Variants in KIF13B observed in about 807,000 individuals in gnomAD.
KIF13B encodes the protein kinesin-like protein KIF13B.
KIF13B carries 127 observed loss-of-function variants against 222.0 expected under a neutral mutation model. The observed-to-expected ratio is 0.57, with a 90% CI of 0.50 to 0.66. KIF13B has a LOEUF of 0.66. Among genes scored for constraint, KIF13B ranks in the 30% least tolerant of loss-of-function variants. KIF13B has a pLI of 0.00. For synonymous variants in KIF13B, 976 were observed against 919.0 expected (o/e 1.06, Z -1.12); for missense variants, 2,173 against 2,379.0 (o/e 0.91, Z 1.80).
In KIF13B at chr8:29,071,464, C is replaced by A. The variant is rs1463943297; in HGVS notation, c.5218+156G>T. 6.6e-6 allele frequency among the ~76,000 whole-genome samples: 1 copy of A among 152,154 alleles called. No homozygotes were observed. Among genetic ancestry groups the A allele is most frequent in the Non-Finnish European group, 1.5e-5 (1 of 68,016 alleles). ...GGGACTAGCCCTGCCCCCAGCCTCA[C>A]CCCTGCAGGCCCAGCCGCTCCCGCA... On this transcript the variant is annotated intron_variant, in intron 39 of 39. Coordinates refer to ENST00000524189, the MANE Select transcript of KIF13B (RefSeq NM_015254.4). The surrounding 1 kb of genome is among the most constrained non-coding windows in gnomAD (Gnocchi z 4.9).
chr8:29,119,365 T>C (rs1296357278), intron 29 of KIF13B, among the ~76,000 whole-genome samples: 1 of 152,184 alleles, frequency 6.6e-6, no homozygotes, highest in Non-Finnish European at 1.5e-5. Flanking sequence ...TCCAGGCACC[T>C]GACAGCAACA....
At chr8:29,128,056 A>G (rs1349736581) in intron 24 of KIF13B, among the ~76,000 whole-genome samples, 4 of 149,848 alleles carry the variant, frequency 2.7e-5, no homozygotes, top group African/African-American at 7.3e-5. Context: ...ATCAGTAAAT[A>G]TATCAGTAAA....
In KIF13B at chr8:29,176,092, G is replaced by A; in HGVS notation, c.921C>T (p.Asp307=). ...CTTTGAGCAGCCAAGTGAGAACTGAGTCACGATATGGAACAAATTTATTCT... is the reference window on the plus strand; with the variant it reads ...CTTTGAGCAGCCAAGTGAGAACTGAATCACGATATGGAACAAATTTATTCT... ...KNKNKFVPYR[D]SVLTWLLKDS... The change falls in exon 10 of 40, where the codon GAC becomes GAT. Residue 307 remains aspartate, a synonymous_variant. Transcript: ENST00000524189. 6.2e-7 allele frequency: 1 copy of A among 1,612,552 alleles called. No homozygotes were observed. Among genetic ancestry groups the A allele is most frequent in the Non-Finnish European group, 8.5e-7 (1 of 1,178,738 alleles).
chr8:29,096,051 G>A (rs549466007), intron 36 of KIF13B, among the ~76,000 whole-genome samples: 5 of 149,342 alleles, frequency 3.3e-5, no homozygotes, highest in African/African-American at 1.2e-4. Context: ...GCGTGATCTT[G>A]GCTCACTGCA....
At chr8:29,143,293 T>C (rs1274466067) in intron 18 of KIF13B, among the ~76,000 whole-genome samples, 1 of 152,326 alleles carries the variant, frequency 6.6e-6, no homozygotes, top group Admixed American at 6.5e-5. Context: ...TTTGCTGCGG[T>C]GTATGGGGAA....
chr8:29,153,313 C>T lies in KIF13B; in HGVS notation c.1535+2413G>A, dbSNP rs114326532. Among the ~76,000 whole-genome samples the T allele has an allele frequency of 2.5e-3, 374 of 152,304 alleles. 3 individuals carry two copies. The highest frequency in any genetic ancestry group is 7.8e-3 in the African/African-American group (325 of 41,554). On this transcript the variant is annotated intron_variant, in intron 14 of 39. Transcript: ENST00000524189. ...TAACCAAACAACCAGACTCTACAAA[C>T]ATCTCCTGATATCAGTAATGAGAAA...
At chr8:29,233,104 A>C (rs1586961893) in intron 2 of KIF13B, among the ~76,000 whole-genome samples, 1 of 152,164 alleles carries the variant, frequency 6.6e-6, no homozygotes, top group African/African-American at 2.4e-5. Context: ...TGCAGTGAGC[A>C]GAGATCATGC....
chr8:29,259,712 C>T (rs1371163897), intron 1 of KIF13B, among the ~76,000 whole-genome samples: 4 of 152,146 alleles, frequency 2.6e-5, no homozygotes, highest in South Asian at 2.1e-4. Context: ...AATGATTAGA[C>T]GGGTTAATAA....
At chr8:29,173,527 T>A (rs1586879855) in intron 10 of KIF13B, among the ~76,000 whole-genome samples, 2 of 150,302 alleles carry the variant, frequency 1.3e-5, no homozygotes, top group South Asian at 4.3e-4. Flanking sequence ...GAGGCTGATG[T>A]GGGAGGATCA....
chr8:29,132,558 GA>G (rs1383973187), intron 22 of KIF13B, 93 bp from the exon 23 acceptor site: 84 of 781,178 alleles, frequency 1.1e-4, no homozygotes, highest in Middle Eastern at 3.0e-4. Flanking sequence ...TTATATCAGG[GA>G]AAAAAAATAG....
chr8:29,140,425 A>G, intron 20 of KIF13B, 43 bp downstream of exon 20: 1 of 1,583,430 alleles, frequency 6.3e-7, no homozygotes, highest in Non-Finnish European at 8.6e-7. Context: ...CTTGTTTCTT[A>G]AACTATTCTC....
chr8:29,248,893 G>C (rs1430659139), intron 1 of KIF13B, among the ~76,000 whole-genome samples: 5 of 152,192 alleles, frequency 3.3e-5, no homozygotes, highest in African/African-American at 1.2e-4. Context: ...ACTGCTAACA[G>C]GTACAGTTTT....
intron 18 of KIF13B, among the ~76,000 whole-genome samples, chr8:29,144,891 C>T (rs1006013377): frequency 9.9e-5 from 15 of 152,196 alleles, no homozygotes; most frequent in African/African-American, 3.6e-4. Context: ...TTCTTCCAGG[C>T]GTTGACATGG....
intron 2 of KIF13B, among the ~76,000 whole-genome samples, chr8:29,204,425 A>T (rs1217623991): frequency 6.6e-6 from 1 of 152,212 alleles, no homozygotes; most frequent in Non-Finnish European, 1.5e-5. Flanking sequence ...AAGAAAGCTT[A>T]AATCTAGCCA....
At chr8:29,253,067 A>T (rs1243363204) in intron 1 of KIF13B, among the ~76,000 whole-genome samples, 1 of 152,328 alleles carries the variant, frequency 6.6e-6, no homozygotes. Context: ...TGATAGTGTG[A>T]AAATAATTAA....
intron 18 of KIF13B, among the ~76,000 whole-genome samples, chr8:29,144,299 C>T (rs1810956546): frequency 6.6e-6 from 1 of 151,908 alleles, no homozygotes; most frequent in Non-Finnish European, 1.5e-5. Flanking sequence ...CTCTTTCTGT[C>T]GCCCAGGCTG....
In KIF13B at chr8:29,071,386, G is replaced by C. The variant is rs937388593; in HGVS notation, c.5218+234C>G. 1.3e-5 allele frequency among the ~76,000 whole-genome samples: 2 copies of C among 152,144 alleles called. No homozygotes were observed. Among genetic ancestry groups the C allele is most frequent in the Non-Finnish European group, 2.9e-5 (2 of 68,008 alleles). ...GGAACAGCCATGGCGATGGGGGGATGGGTACAGGATCTTTGTAGCCAAAAT... is the reference window on the plus strand; with the variant it reads ...GGAACAGCCATGGCGATGGGGGGATCGGTACAGGATCTTTGTAGCCAAAAT... On this transcript the variant is annotated intron_variant, in intron 39 of 39. Transcript: ENST00000524189. The surrounding 1 kb of genome is among the most constrained non-coding windows in gnomAD (Gnocchi z 4.9).
In KIF13B at chr8:29,150,296, C is replaced by A; in HGVS notation, c.1622+1G>T. 1 of 1,529,474 alleles carries A rather than the reference C, an allele frequency of 6.5e-7. No homozygotes were observed. Among genetic ancestry groups the A allele is most frequent in the Non-Finnish European group, 9.0e-7 (1 of 1,108,046 alleles). The allele number at this position is 1,529,474 out of a possible 1,614,324, so 94.7% of individuals were successfully genotyped here. Reference sequence around the variant, plus strand: ...TTTAAGGGACATGAACAACATCATACCTGAAGAAATGATTGTTTCCCCATA... The same window carrying A: ...TTTAAGGGACATGAACAACATCATAACTGAAGAAATGATTGTTTCCCCATA... On this transcript the variant is annotated splice_donor_variant, in intron 15 of 39. Transcript: ENST00000524189. LOFTEE classifies it high-confidence loss of function.
intron 8 of KIF13B, 51 bp downstream of exon 8, chr8:29,180,052 AC>A: frequency 6.3e-7 from 1 of 1,599,822 alleles, no homozygotes; most frequent in Non-Finnish European, 8.5e-7. Context: ...AAAAAATAAA[AC>A]CACAATCCAC....
Sources: gnomAD v4.1 joint callset for allele counts (sites outside exome capture counted in the v4.1 genomes callset) on GRCh38, gnomAD v4.1.1 for gene constraint, Gnocchi (gnomAD v3.1) non-coding constraint, MANE v1.5 for transcripts, NCBI Gene and HGNC (gene_info 2026-07-23, HGNC 2026-07-21) for gene names.